Variants in PABPC1L observed in about 807,000 individuals in gnomAD.
PABPC1L encodes poly(A) binding protein cytoplasmic 1 like.
PABPC1L carries 31 observed loss-of-function variants against 66.6 expected under a neutral mutation model. That is an observed-to-expected ratio of 0.47 (90% confidence interval 0.35 to 0.63). The LOEUF is 0.63. Ranked by LOEUF, PABPC1L falls within the 20% of genes least tolerant of loss-of-function variation. The pLI is 0.00. For synonymous variants in PABPC1L, 348 were observed against 335.1 expected (o/e 1.04, Z -0.42); for missense variants, 722 against 848.8 (o/e 0.85, Z 1.86).
chr20:44,932,102 G>T (rs1404804627), intron 8 of PABPC1L: 1 of 360,890 alleles, frequency 2.8e-6, no homozygotes, highest in Non-Finnish European at 5.0e-6. Context: ...TTTTATCCAG[G>T]TCATTGGGTT....
chr20:44,936,625 G>C lies in PABPC1L; in HGVS notation c.1567-12G>C. On this transcript the variant is annotated splice_polypyrimidine_tract_variant and intron_variant, in intron 11 of 14. Coordinates refer to ENST00000217073, the MANE Select transcript of PABPC1L (RefSeq NM_001372179.1). ...CATGGTGATTAAGGGATGTGTCCCC[G>C]GCACCATGCAGGTCCAGGAGCCGGC... The C allele has an allele frequency of 6.3e-7, 1 of 1,575,602 alleles. No individual in the cohort carries two copies. Among genetic ancestry groups the C allele is most frequent in the Non-Finnish European group, 8.6e-7 (1 of 1,160,664 alleles).
intron 7 of PABPC1L, among the ~76,000 whole-genome samples, chr20:44,925,696 G>C (rs990948171): frequency 5.9e-5 from 9 of 152,140 alleles, no homozygotes; most frequent in African/African-American, 1.7e-4. Context: ...AAAAAAGGTT[G>C]TCTTTTAGGT....
intron 2 of PABPC1L, 130 bp downstream of exon 2, chr20:44,912,983 C>T (rs1568641831): frequency 1.3e-6 from 1 of 761,420 alleles, no homozygotes; most frequent in East Asian, 2.7e-5. Context: ...ACAGCAAGCA[C>T]CTGAATGACA....
At chr20:44,910,660 A>G (rs957505328) in intron 1 of PABPC1L, among the ~76,000 whole-genome samples, 6 of 152,184 alleles carry the variant, frequency 3.9e-5, no homozygotes, top group African/African-American at 9.7e-5. Context: ...TTACTCGACC[A>G]TTCTGAGCTT....
intron 3 of PABPC1L, 112 bp downstream of exon 3, chr20:44,916,983 C>T (rs748263477): frequency 2.1e-5 from 20 of 962,202 alleles, no homozygotes; most frequent in Middle Eastern, 5.1e-4. Context: ...GGCACTTGAG[C>T]GGCAGGCAGC....
In PABPC1L at chr20:44,931,069, C is replaced by CT. The variant is rs1316140186; in HGVS notation, c.1239+344dup. 5.6e-3 allele frequency among the ~76,000 whole-genome samples: 338 copies of CT among 59,962 alleles called. 5 individuals are homozygous for CT. The highest frequency in any genetic ancestry group is 0.016 in the African/African-American group (316 of 19,472). The allele number at this position is 59,962 out of a possible 152,430, so 39.3% of individuals were successfully genotyped here. A position where few individuals can be genotyped will look rare whatever the true frequency, so the allele number is the denominator to read the frequency against. ...CCTTCCCTTCCCTTCCCTTCCCTCCCTCCCTCCCTCCCTCCCTCCCTTCCT... is the reference window on the plus strand; with the variant it reads ...CCTTCCCTTCCCTTCCCTTCCCTCCCTTCCCTCCCTCCCTCCCTCCCTTCCT... On this transcript the variant is annotated intron_variant, in intron 8 of 14. Coordinates refer to ENST00000217073, the MANE Select transcript of PABPC1L (RefSeq NM_001372179.1).
At chr20:44,930,380 C>CCATGGGGAGG (rs2066842670) in intron 7 of PABPC1L, 80 bp from the exon 8 acceptor site, 3 of 1,535,892 alleles carry the variant, frequency 2.0e-6, no homozygotes, top group Non-Finnish European at 2.6e-6. Flanking sequence ...TGGGCTTAGC[C>CCATGGGGAGG]CATGGGGAGG....
In PABPC1L at chr20:44,910,402, G is replaced by A. The variant is rs2066696033; in HGVS notation, c.193+66G>A. On this transcript the variant is annotated intron_variant, in intron 1 of 14. Coordinates refer to ENST00000217073, the MANE Select transcript of PABPC1L (RefSeq NM_001372179.1). ...ACAAGCAGGCGGACAGACAGAAGCC[G>A]GAACTGGGCCGCTTGCGCTTTCATC... 3.5e-6 allele frequency: 5 copies of A among 1,414,410 alleles called. No individual in the cohort carries two copies. The South Asian group carries it at 4.4e-5, about 12-fold the overall frequency. The allele number at this position is 1,414,410 out of a possible 1,614,324, so 87.6% of individuals were successfully genotyped here.
chr20:44,918,083 T>C (rs2066749035), intron 3 of PABPC1L, among the ~76,000 whole-genome samples: 1 of 152,200 alleles, frequency 6.6e-6, no homozygotes, highest in African/African-American at 2.4e-5. Flanking sequence ...CCCAGCACTT[T>C]GTGAGGCAGA....
chr20:44,912,011 C>T lies in PABPC1L; in HGVS notation c.194-649C>T, dbSNP rs539427415. Among the ~76,000 whole-genome samples the T allele has an allele frequency of 1.2e-4, 19 of 152,326 alleles. No individual in the cohort carries two copies. The East Asian group carries it at 3.5e-3, about 28-fold the overall frequency. On this transcript the variant is annotated intron_variant, in intron 1 of 14. Transcript: ENST00000217073. ...GCTGTTTTGAGACATTATTTTGTGTCAGGCACAAAGTTACAAACAAGGCAC... is the reference window on the plus strand; with the variant it reads ...GCTGTTTTGAGACATTATTTTGTGTTAGGCACAAAGTTACAAACAAGGCAC...
At chr20:44,916,613 C>A in intron 2 of PABPC1L, 143 bp from the exon 3 acceptor site, 1 of 751,222 alleles carries the variant, frequency 1.3e-6, no homozygotes, top group Non-Finnish European at 2.3e-6. Flanking sequence ...ACTCTTTGAG[C>A]TTCCATACCC....
At chr20:44,920,126 T>C (rs1386000924) in intron 5 of PABPC1L, among the ~76,000 whole-genome samples, 1 of 152,198 alleles carries the variant, frequency 6.6e-6, no homozygotes, top group Non-Finnish European at 1.5e-5. Context: ...GTTACGTCTG[T>C]TACAAGTGAT....
intron 8 of PABPC1L, among the ~76,000 whole-genome samples, chr20:44,931,000 C>G (rs2066849126): frequency 9.8e-6 from 1 of 102,054 alleles, no homozygotes. Flanking sequence ...CTACATTTTT[C>G]CTTCCTCCCT....
In PABPC1L at chr20:44,935,386, T is replaced by C. The variant is rs756720516; in HGVS notation, c.1460-5T>C. On this transcript the variant is annotated splice_polypyrimidine_tract_variant and splice_region_variant and intron_variant, in intron 10 of 14. Transcript: ENST00000217073. ...TTTTTTGTTTTGTTTTGTTTTGTTT[T>C]GCAGCCAACATTGGTACTCAGACCA... The C allele has an allele frequency of 6.2e-7, 1 of 1,612,052 alleles. No individual in the cohort carries two copies. The highest frequency in any genetic ancestry group is 8.5e-7 in the Non-Finnish European group (1 of 1,178,350).
At chr20:44,914,186 G>A (rs896144279) in intron 2 of PABPC1L, among the ~76,000 whole-genome samples, 1 of 148,830 alleles carries the variant, frequency 6.7e-6, no homozygotes, top group African/African-American at 2.5e-5. Context: ...GACAGTTTTT[G>A]TAGCCTATGT....
Position 44,916,791 on chromosome 20 carries a change from CTTTGT to C in PABPC1L, c.424_428del (p.Phe142ProfsTer3). 6.2e-7 allele frequency: 1 copy of C among 1,614,236 alleles called. No homozygotes were observed. Among genetic ancestry groups the C allele is most frequent in the Non-Finnish European group, 8.5e-7 (1 of 1,180,046 alleles). ...ACGAGCATGGCTCCCGGGGTTTCGGCTTTGTCCATTTTGAGACCCATGAGGCCGCA... is the reference window on the plus strand; with the variant it reads ...ACGAGCATGGCTCCCGGGGTTTCGGCCCATTTTGAGACCCATGAGGCCGCA... On this transcript the variant is annotated frameshift_variant, in exon 3 of 15. Coordinates refer to ENST00000217073, the MANE Select transcript of PABPC1L (RefSeq NM_001372179.1). LOFTEE classifies it high-confidence loss of function.
At chr20:44,917,185 TG>T (rs1568643501) in intron 3 of PABPC1L, among the ~76,000 whole-genome samples, 1 of 152,148 alleles carries the variant, frequency 6.6e-6, no homozygotes, top group Non-Finnish European at 1.5e-5. Context: ...CTTCTCAGTA[TG>T]GGGTGTATGT....
At chr20:44,938,822 A>T in intron 14 of PABPC1L, 74 bp downstream of exon 14, 1 of 1,411,980 alleles carries the variant, frequency 7.1e-7, no homozygotes, top group Non-Finnish European at 9.8e-7. Context: ...TGACTTTCAC[A>T]AACACTGAGA....
Position 44,932,815 on chromosome 20 carries a change from T to C in PABPC1L, c.1331-242T>C, listed in dbSNP as rs11086947. The C allele has an allele frequency of 3.1e-3, 1,715 of 556,030 alleles. 47 individuals are homozygous for C. In the East Asian group the frequency reaches 0.046, roughly 15 times the overall value. 34.4% of individuals were successfully genotyped at this position (556,030 alleles called of 1,614,324 possible). On this transcript the variant is annotated intron_variant, in intron 9 of 14. Coordinates refer to ENST00000217073, the MANE Select transcript of PABPC1L (RefSeq NM_001372179.1). Reference sequence around the variant, plus strand: ...CTTGAGGGACTAAGGTGTACAATCCTGGTGCTTATGCAGTTTGGGGCTCTA... The same window carrying C: ...CTTGAGGGACTAAGGTGTACAATCCCGGTGCTTATGCAGTTTGGGGCTCTA...
Sources: allele counts gnomAD v4.1 joint callset (sites outside exome capture counted in the v4.1 genomes callset), GRCh38; gene constraint gnomAD v4.1.1; transcripts MANE v1.5; gene names NCBI Gene and HGNC (gene_info 2026-07-23, HGNC 2026-07-21).